Variants in GTF2IRD1 observed in about 807,000 individuals in gnomAD.
The protein encoded by GTF2IRD1 is GTF2I repeat domain containing 1.
Under a neutral mutation model 113.2 loss-of-function variants are expected in GTF2IRD1, and 26 were observed. The observed-to-expected ratio is 0.23, with a 90% CI of 0.17 to 0.32. The LOEUF (loss-of-function observed/expected upper bound fraction) is 0.32. Among genes scored for constraint, GTF2IRD1 ranks in the 10% least tolerant of loss-of-function variants. GTF2IRD1 has a pLI of 1.00. For synonymous variants in GTF2IRD1, 484 were observed against 529.1 expected (o/e 0.91, Z 1.17); for missense variants, 864 against 1,280.8 (o/e 0.67, Z 4.97).
At position 74,481,302 on chromosome 7, in the gene GTF2IRD1, G is replaced by A. The variant is rs554486983; in HGVS notation, c.-6-26773G>A. Among the ~76,000 whole-genome samples the A allele has an allele frequency of 2.2e-4, 33 of 152,210 alleles. No homozygotes were observed. The South Asian group carries it at 6.2e-3, about 29-fold the overall frequency. On this transcript the variant is annotated intron_variant, in intron 1 of 26. Transcript: ENST00000424337. ...TCTGAGTAGCTGTGACGACAGGCGC[G>A]TGCCACCACGCCCGGCTCATATTTT...
chr7:74,555,463 G>A lies in GTF2IRD1; in HGVS notation c.1992G>A (p.Val664=), dbSNP rs1562865969. The change falls in exon 19 of 27, where the codon GTG becomes GTA. Residue 664 remains valine, a synonymous_variant. Transcript: ENST00000424337. This position sits in a 1 kb window ranked among gnomAD's most constrained non-coding sequence, Gnocchi z 5.3. ...AGAGGGATTCCGGGGACCCTCTGGT[G>A]GACGAGAGCCTGAAGAGACAGGGCT... ...SQERDSGDPL[V]DESLKRQGFQ... The A allele has an allele frequency of 6.8e-6, 11 of 1,613,164 alleles. No individual in the cohort carries two copies. The highest frequency in any genetic ancestry group is 8.5e-6 in the Non-Finnish European group (10 of 1,179,130).
At position 74,539,925 on chromosome 7, in the gene GTF2IRD1, C is replaced by T; in HGVS notation, c.1575C>T (p.His525=). 2.5e-6 allele frequency: 4 copies of T among 1,613,410 alleles called. No individual in the cohort carries two copies. The South Asian group carries it at 3.3e-5, about 13-fold the overall frequency. The change falls in exon 14 of 27, where the codon CAC becomes CAT. Residue 525 remains histidine (H), a synonymous_variant. Transcript: ENST00000424337. ...AAATGACAGACTCGATGCCTGGGCA[C>T]CTGCCATCGGAGGATTCTGGTTATG... is the stretch of plus-strand genomic sequence containing the variant. ...SEEMTDSMPG[H]LPSEDSGYGM... is the part of the protein sequence containing the mutation.
At chr7:74,551,804 C>T (rs1277109665) in intron 17 of GTF2IRD1, among the ~76,000 whole-genome samples, 4 of 151,880 alleles carry the variant, frequency 2.6e-5, no homozygotes, top group African/African-American at 9.7e-5. Flanking sequence ...GGTGTGGTGG[C>T]GTGTGCCTGT....
At chr7:74,523,067 C>T (rs1797382616) in intron 7 of GTF2IRD1, among the ~76,000 whole-genome samples, 1 of 152,114 alleles carries the variant, frequency 6.6e-6, no homozygotes, top group Non-Finnish European at 1.5e-5. Flanking sequence ...CAAGACTCAG[C>T]CCTTAGCCAG....
In GTF2IRD1 at chr7:74,508,143, C is replaced by T. The variant is rs1554341657; in HGVS notation, c.63C>T (p.Asn21=). Residue 21 remains asparagine, a synonymous_variant, in exon 2 of 27, where the codon AAC becomes AAT. Coordinates refer to ENST00000424337, the MANE Select transcript of GTF2IRD1 (RefSeq NM_005685.4). ...ACGGCTGCGGACCCGACCGCTGGAACTCCGCGTTCACCCGCAAAGACGAGA... is the reference window on the plus strand; with the variant it reads ...ACGGCTGCGGACCCGACCGCTGGAATTCCGCGTTCACCCGCAAAGACGAGA... The part of the protein sequence containing the change: ...PTNGCGPDRW[N]SAFTRKDEII... 1.2e-6 allele frequency: 2 copies of T among 1,612,394 alleles called. No individual in the cohort carries two copies.
chr7:74,485,486 G>A (rs566106487), intron 1 of GTF2IRD1, among the ~76,000 whole-genome samples: 3 of 152,194 alleles, frequency 2.0e-5, no homozygotes, highest in East Asian at 1.9e-4. Flanking sequence ...GCGTGGTGGC[G>A]GACGCCTGTA....
chr7:74,595,419 AAAG>A (rs1802352256), intron 25 of GTF2IRD1, among the ~76,000 whole-genome samples: 5 of 151,848 alleles, frequency 3.3e-5, no homozygotes, highest in East Asian at 3.9e-4. Context: ...AAAAAGAAAA[AAAG>A]AAAGAAAGAA....
intron 1 of GTF2IRD1, among the ~76,000 whole-genome samples, chr7:74,471,501 C>A (rs782271132): frequency 6.6e-6 from 1 of 151,558 alleles, no homozygotes; most frequent in South Asian, 2.1e-4. Flanking sequence ...AGAGCGAGAC[C>A]CCATCTCTAC....
intron 1 of GTF2IRD1, among the ~76,000 whole-genome samples, chr7:74,479,405 GGC>G (rs1794611252): frequency 1.4e-5 from 2 of 147,566 alleles, no homozygotes; most frequent in Non-Finnish European, 3.0e-5. Context: ...AGGACACGTG[GGC>G]GGCCCAGGCT....
At chr7:74,573,182 G>A (rs1800795815) in intron 22 of GTF2IRD1, among the ~76,000 whole-genome samples, 1 of 151,994 alleles carries the variant, frequency 6.6e-6, no homozygotes, top group South Asian at 2.1e-4. Flanking sequence ...TGAGGCAGGC[G>A]GATTGCTTGA....
intron 13 of GTF2IRD1, 127 bp downstream of exon 13, chr7:74,538,887 C>A: frequency 1.6e-6 from 1 of 631,172 alleles, no homozygotes; most frequent in Non-Finnish European, 2.8e-6. Flanking sequence ...TGAGAGCCAT[C>A]GGGGTACTGT....
chr7:74,549,946 G>T (rs1298121062), intron 17 of GTF2IRD1, among the ~76,000 whole-genome samples: 1 of 152,016 alleles, frequency 6.6e-6, no homozygotes, highest in African/African-American at 2.4e-5. Context: ...TGAGGCAGGA[G>T]AATTGGCTTG....
chr7:74,464,397 G>T (rs782679919), intron 1 of GTF2IRD1, among the ~76,000 whole-genome samples: 1 of 150,756 alleles, frequency 6.6e-6, no homozygotes, highest in Non-Finnish European at 1.5e-5. Flanking sequence ...CATGTCTTGC[G>T]TGGGTGTCTT....
At chr7:74,538,540 C>T (rs1365247066) in intron 12 of GTF2IRD1, 140 bp from the exon 13 acceptor site, 147 of 751,500 alleles carry the variant, frequency 2.0e-4, no homozygotes, top group East Asian at 1.2e-3. Context: ...CCAGTTTGGG[C>T]GGAGCCAGGG....
At position 74,538,712 on chromosome 7, in the gene GTF2IRD1, A is replaced by G. The variant is rs781972897; in HGVS notation, c.1480A>G (p.Ile494Val). The change falls in exon 13 of 27, where the codon ATC (isoleucine) becomes GTC (valine). Residue 494 changes from isoleucine to valine, a missense_variant. Coordinates refer to ENST00000424337, the MANE Select transcript of GTF2IRD1 (RefSeq NM_005685.4). ...TSGELGGLRP[I>V]KIEPEDLDII... The stretch of plus-strand genomic sequence containing the variant: ...CGGGGAGCTGGGCGGGCTGAGGCCG[A>G]TCAAAATTGAGCCAGAGGATCTGGA... The G allele has an allele frequency of 5.0e-6, 8 of 1,608,656 alleles. No individual in the cohort carries two copies. The highest frequency in any genetic ancestry group is 5.1e-6 in the Non-Finnish European group (6 of 1,175,024).
chr7:74,520,921 C>T (rs1309380495), intron 6 of GTF2IRD1, among the ~76,000 whole-genome samples: 1 of 148,964 alleles, frequency 6.7e-6, no homozygotes, highest in South Asian at 2.1e-4. Context: ...GTGGGCTGAC[C>T]AGGGCTTCGA....
chr7:74,542,020 C>T (rs1798664117), intron 14 of GTF2IRD1, among the ~76,000 whole-genome samples: 1 of 151,652 alleles, frequency 6.6e-6, no homozygotes, highest in African/African-American at 2.4e-5. Context: ...CCTTTGAGCC[C>T]AGGAGTTGGA....
chr7:74,489,110 C>T (rs1369325777), intron 1 of GTF2IRD1, among the ~76,000 whole-genome samples: 1 of 151,956 alleles, frequency 6.6e-6, no homozygotes, highest in Non-Finnish European at 1.5e-5. Context: ...CCACTGCACT[C>T]CAGCCTGGGC....
At chr7:74,472,047 A>G (rs1473661827) in intron 1 of GTF2IRD1, among the ~76,000 whole-genome samples, 2 of 152,200 alleles carry the variant, frequency 1.3e-5, no homozygotes, top group Non-Finnish European at 2.9e-5. Context: ...TATGTCAGAA[A>G]GAATGAATTT....
Sources: allele counts gnomAD v4.1 joint callset (sites outside exome capture counted in the v4.1 genomes callset), GRCh38; gene constraint gnomAD v4.1.1; non-coding constraint Gnocchi (gnomAD v3.1); transcripts MANE v1.5; gene names NCBI Gene and HGNC (gene_info 2026-07-23, HGNC 2026-07-21).